The following SFMBT2 variants were observed in gnomAD, a reference collection of about 807,000 sequenced individuals.
SFMBT2 encodes scm-like with four MBT domains protein 2.
A neutral mutation model predicts 110.1 loss-of-function variants in SFMBT2; 38 were observed. That is an observed-to-expected ratio of 0.35 (90% CI 0.27 to 0.45). The LOEUF is 0.45. Ranked by LOEUF, SFMBT2 falls within the 20% of genes least tolerant of loss-of-function variation. The pLI is 1.00. For synonymous variants in SFMBT2, 425 were observed against 425.4 expected (o/e 1.00, Z 0.01); for missense variants, 1,011 against 1,094.9 (o/e 0.92, Z 1.08).
intron 4 of SFMBT2, among the ~76,000 whole-genome samples, chr10:7,337,464 T>C (rs1243801535): frequency 6.6e-6 from 1 of 152,198 alleles, no homozygotes; most frequent in Non-Finnish European, 1.5e-5. Flanking sequence ...AACGCCATCC[T>C]CCTTGGTCTT....
intron 7 of SFMBT2, among the ~76,000 whole-genome samples, chr10:7,258,695 T>C (rs1246936128): frequency 6.6e-6 from 1 of 152,210 alleles, no homozygotes; most frequent in Non-Finnish European, 1.5e-5. Flanking sequence ...TCCAGAACCA[T>C]TTATGATATC....
In SFMBT2 at chr10:7,279,838, C is replaced by A. The variant is rs1841899082; in HGVS notation, c.773-2849G>T. On this transcript the variant is annotated intron_variant, in intron 6 of 20. Transcript: ENST00000397167. ...CCTAGAGAAACAACTCTTCTTTTAT[C>A]CACCTCCCTCCAAAAAACTTCTATG... 2.0e-5 allele frequency among the ~76,000 whole-genome samples: 3 copies of A among 152,186 alleles called. No individual in the cohort carries two copies. The South Asian group carries it at 6.2e-4, about 32-fold the overall frequency.
At chr10:7,226,192 C>T (rs889253346) in intron 10 of SFMBT2, among the ~76,000 whole-genome samples, 1 of 152,176 alleles carries the variant, frequency 6.6e-6, no homozygotes, top group African/African-American at 2.4e-5. Flanking sequence ...CATGCAGGTG[C>T]CAGGCAGGCT....
chr10:7,176,300 TTC>T, intron 16 of SFMBT2, 135 bp from the exon 17 acceptor site: 1 of 1,054,174 alleles, frequency 9.5e-7, no homozygotes, highest in Non-Finnish European at 1.4e-6. Flanking sequence ...CCCATGTTGC[TTC>T]TGTTATTTCT....
At chr10:7,298,311 C>T (rs1338477003) in intron 4 of SFMBT2, among the ~76,000 whole-genome samples, 1 of 152,146 alleles carries the variant, frequency 6.6e-6, no homozygotes, top group Non-Finnish European at 1.5e-5. Context: ...CTGAGCACCC[C>T]CTAGACAGAC....
chr10:7,191,933 T>C (rs1838611887), intron 15 of SFMBT2, among the ~76,000 whole-genome samples: 1 of 152,224 alleles, frequency 6.6e-6, no homozygotes, highest in South Asian at 2.1e-4. Context: ...TCAGGAGTTA[T>C]CATTTGCTAT....
At chr10:7,370,512 T>C (rs1845032515) in intron 2 of SFMBT2, 137 bp from the exon 3 acceptor site, 1 of 739,002 alleles carries the variant, frequency 1.4e-6, no homozygotes, top group Non-Finnish European at 2.2e-6. Context: ...GCTGAATTTT[T>C]TGCAAAGCTT....
Position 7,355,361 on chromosome 10 carries a change from T to C in SFMBT2, c.436+12288A>G, listed in dbSNP as rs191815844. Among the ~76,000 whole-genome samples the C allele has an allele frequency of 4.0e-3, 605 of 152,278 alleles. 7 individuals are homozygous for C. The highest frequency in any genetic ancestry group is 0.014 in the African/African-American group (570 of 41,570). ...TTTCAGCACTGAATCTCATTAAGCA[T>C]GTTTATAAAGAAATAAAACTATCCA... On this transcript the variant is annotated intron_variant, in intron 4 of 20. Transcript: ENST00000397167.
At chr10:7,336,723 T>C (rs1178120573) in intron 4 of SFMBT2, among the ~76,000 whole-genome samples, 2 of 152,046 alleles carry the variant, frequency 1.3e-5, no homozygotes, top group East Asian at 1.9e-4. Context: ...GGAACTAACA[T>C]TGGGGGAACT....
rs1564468201 is a variant in SFMBT2 at position 7,381,939 on chromosome 10, G to GA, written c.-42dup. The GA allele has an allele frequency of 6.8e-7, 1 of 1,462,632 alleles. No homozygotes were observed. Among genetic ancestry groups the GA allele is most frequent in the Non-Finnish European group, 9.1e-7 (1 of 1,098,756 alleles). 90.6% of individuals were successfully genotyped at this position (1,462,632 alleles called of 1,614,324 possible). On this transcript the variant is annotated 5_prime_UTR_variant, in exon 2 of 21. The change abolishes the stop of an existing upstream ORF in the 5' untranslated region. Transcript: ENST00000397167. ...GTCTCTTCTCTTAATTCATCCTGCA[G>GA]AAAAAATTACCTAAGAGCAATCAAA... is the stretch of plus-strand genomic sequence containing the variant.
intron 15 of SFMBT2, 44 bp from the exon 16 acceptor site, chr10:7,188,777 A>G (rs759095414): frequency 8.0e-6 from 12 of 1,503,266 alleles, no homozygotes; most frequent in South Asian, 1.2e-5. Context: ...AATTGCATTC[A>G]TTCCTACTAA....
intron 4 of SFMBT2, among the ~76,000 whole-genome samples, chr10:7,302,716 A>G (rs1000412081): frequency 6.6e-6 from 1 of 152,196 alleles, no homozygotes; most frequent in Non-Finnish European, 1.5e-5. Flanking sequence ...TTGAGAAAGA[A>G]CAAAAATTAT....
rs76253974 is a variant in SFMBT2, at chr10:7,163,576, C to T, written c.*194G>A. 6.9e-4 allele frequency: 396 copies of T among 572,690 alleles called. 1 individual carries two copies. In the African/African-American group the frequency reaches 7.0e-3, roughly 10 times the overall value. 35.5% of individuals were successfully genotyped at this position (572,690 alleles called of 1,614,324 possible). On this transcript the variant is annotated 3_prime_UTR_variant, in exon 21 of 21. Transcript: ENST00000397167. The surrounding 1 kb of genome is among the most constrained non-coding windows in gnomAD (Gnocchi z 4.8). ...GACTTTAACTGGCACTCCCCAGAAG[C>T]GACTGCTGCTGTGCTTTGAAAACAT...
chr10:7,344,246 T>C (rs955676868), intron 4 of SFMBT2, among the ~76,000 whole-genome samples: 1 of 152,212 alleles, frequency 6.6e-6, no homozygotes, highest in Non-Finnish European at 1.5e-5. Context: ...GGACAACTGA[T>C]ATGGTTTGGC....
At chr10:7,285,009 CTA>C (rs1195947907) in intron 5 of SFMBT2, 2 of 152,154 alleles carry the variant, frequency 1.3e-5, no homozygotes, top group Admixed American at 6.5e-5. Flanking sequence ...AACCCGTTAA[CTA>C]TATTAGACTA....
rs60483860 is a variant in SFMBT2, at chr10:7,163,779, G to A, written c.2676C>T (p.Tyr892=). ...ERVKVAFYAQ[Y]AN ...CCTCCCGAGGGCAGACTCAGTTGGC[G>A]TACTGGGCGTAGAAAGCCACTTTGA... Residue 892 remains tyrosine, a synonymous_variant, in exon 21 of 21, where the codon TAC becomes TAT. Transcript: ENST00000397167. This position sits in a 1 kb window ranked among gnomAD's most constrained non-coding sequence, Gnocchi z 4.8. 3.6e-3 allele frequency: 5,817 copies of A among 1,613,998 alleles called. 206 individuals are homozygous for A. The African/African-American group carries it at 0.07, about 19-fold the overall frequency.
At chr10:7,294,247 C>T (rs1456566123) in intron 4 of SFMBT2, among the ~76,000 whole-genome samples, 1 of 152,222 alleles carries the variant, frequency 6.6e-6, no homozygotes, top group Middle Eastern at 3.2e-3. Context: ...CACGCCAACT[C>T]ACCCAGTGCA....
intron 4 of SFMBT2, among the ~76,000 whole-genome samples, chr10:7,331,345 G>A (rs1027542978): frequency 2.0e-5 from 3 of 152,188 alleles, no homozygotes; most frequent in African/African-American, 4.8e-5. Flanking sequence ...ACTGGGACAG[G>A]AAAGCCAGGT....
At chr10:7,214,221 C>T (rs1416259274) in intron 11 of SFMBT2, among the ~76,000 whole-genome samples, 3 of 152,330 alleles carry the variant, frequency 2.0e-5, no homozygotes, top group South Asian at 2.1e-4. Flanking sequence ...GTTAAGAAAA[C>T]GTCCAGCATC....
Sources: allele counts gnomAD v4.1 joint callset (sites outside exome capture counted in the v4.1 genomes callset), GRCh38; gene constraint gnomAD v4.1.1; non-coding constraint Gnocchi (gnomAD v3.1); transcripts MANE v1.5; gene names NCBI Gene and HGNC (gene_info 2026-07-23, HGNC 2026-07-21).